The following GAL3ST2 variants were observed in gnomAD, a reference collection of about 807,000 sequenced individuals.
GAL3ST2 encodes galactose-3-O-sulfotransferase 2, also known as beta-galactose-3-O-sulfotransferase 2.
A neutral mutation model predicts 12.9 loss-of-function variants in GAL3ST2; 16 were observed. That is an observed-to-expected ratio of 1.24 (90% CI 0.84 to 1.88). GAL3ST2 has a LOEUF of 1.88. GAL3ST2 is among the 40% of genes most tolerant of loss of function. GAL3ST2 has a pLI of 0.00. For synonymous variants in GAL3ST2, 302 were observed against 273.9 expected (o/e 1.10, Z -1.01); for missense variants, 639 against 571.8 (o/e 1.12, Z -1.20).
chr2:241,778,490 C>T (rs140152203), intron 1 of GAL3ST2, among the ~76,000 whole-genome samples: 10 of 152,352 alleles, frequency 6.6e-5, no homozygotes, highest in African/African-American at 2.4e-4. Context: ...AGCTATGGCA[C>T]TTGGGGGTGT....
rs201963538 is a variant in GAL3ST2 at position 241,776,923 on chromosome 2, C to A, written c.-33C>A. 126 of 1,511,160 alleles carry A rather than the reference C, an allele frequency of 8.3e-5. No homozygotes were observed. The highest frequency in any genetic ancestry group is 1.1e-4 in the Non-Finnish European group (118 of 1,122,928). 93.6% of individuals were successfully genotyped at this position (1,511,160 alleles called of 1,614,324 possible). On this transcript the variant is annotated 5_prime_UTR_variant, in exon 1 of 4. Transcript: ENST00000192314. ...TGGGACCTCGGGGGAGCTCAAGCCTCGACTGTCCCCTCGCTGGAGGCCAGA... is the reference window on the plus strand; with the variant it reads ...TGGGACCTCGGGGGAGCTCAAGCCTAGACTGTCCCCTCGCTGGAGGCCAGA...
chr2:241,799,040 C>T lies in GAL3ST2; in HGVS notation c.30-25C>T, dbSNP rs1165682926. ...TGGGGCTGGCACGACCCGGACTGGG[C>T]ACTCATGGCCTGCCCTTTCCACAGA... On this transcript the variant is annotated intron_variant, in intron 1 of 3. Coordinates refer to ENST00000192314, the MANE Select transcript of GAL3ST2 (RefSeq NM_022134.3). The T allele has an allele frequency of 8.8e-6, 14 of 1,594,456 alleles. No homozygotes were observed. The South Asian group carries it at 1.5e-4, about 18-fold the overall frequency.
Position 241,804,231 on chromosome 2 carries a change from G to A in GAL3ST2, c.*65G>A. 7.6e-7 allele frequency: 1 copy of A among 1,322,428 alleles called. No homozygotes were observed. The highest frequency in any genetic ancestry group is 3.7e-5 in the Admixed American group (1 of 26,736). The allele number at this position is 1,322,428 out of a possible 1,614,324, so 81.9% of individuals were successfully genotyped here. A position where few individuals can be genotyped will look rare whatever the true frequency, so the allele number is the denominator to read the frequency against. On this transcript the variant is annotated 3_prime_UTR_variant, in exon 4 of 4. Coordinates refer to ENST00000192314, the MANE Select transcript of GAL3ST2 (RefSeq NM_022134.3). The stretch of plus-strand genomic sequence containing the variant: ...CTCCTCTCTCCGCCGTCACCGGGGA[G>A]GCCGGGGATCCTTGCAGGGCTTCTG...
Position 241,803,849 on chromosome 2 carries a change from C to T in GAL3ST2, c.880C>T (p.Leu294=). ...TTTCAACCGCACCCTCTGGGCGCAG[C>T]TGCGCGCCGAGCTGGGGCCGCGGCG... The part of the protein sequence containing the change: ...EHFNRTLWAQ[L]RAELGPRRLR... Residue 294 remains leucine (L), a synonymous_variant, in exon 4 of 4, where the codon CTG becomes TTG. Transcript: ENST00000192314. 6.8e-7 allele frequency: 1 copy of T among 1,461,268 alleles called. No homozygotes were observed. The highest frequency in any genetic ancestry group is 1.5e-5 in the African/African-American group (1 of 67,036). The allele number at this position is 1,461,268 out of a possible 1,614,324, so 90.5% of individuals were successfully genotyped here.
rs1178251286 is a variant in GAL3ST2 at position 241,803,571 on chromosome 2, C to G, written c.602C>G (p.Pro201Arg). 1.9e-6 allele frequency: 3 copies of G among 1,597,132 alleles called. No individual in the cohort carries two copies. The highest frequency in any genetic ancestry group is 2.6e-6 in the Non-Finnish European group (3 of 1,171,514). The change falls in exon 4 of 4, where the codon CCC (proline) becomes CGC (arginine). Residue 201 changes from proline (P) to arginine (R), a missense_variant. By Grantham distance (103) the Pro-to-Arg change is moderately radical (BLOSUM62 -2). Transcript: ENST00000192314. The stretch of plus-strand genomic sequence containing the variant: ...ATGTGGTTCGACTTCGGCTTCGACC[C>G]CAACGCGCAGTGCGAGGAGGGCTAC... ...NNMWFDFGFDPNAQCEEGYVR... is the reference protein window; with the variant it reads ...NNMWFDFGFDRNAQCEEGYVR...
chr2:241,804,043 G>A lies in GAL3ST2; in HGVS notation c.1074G>A (p.Leu358=). The A allele has an allele frequency of 6.4e-7, 1 of 1,562,802 alleles. No homozygotes were observed. The highest frequency in any genetic ancestry group is 8.7e-7 in the Non-Finnish European group (1 of 1,155,912). Residue 358 remains leucine, a synonymous_variant, in exon 4 of 4, where the codon CTG becomes CTA. Coordinates refer to ENST00000192314, the MANE Select transcript of GAL3ST2 (RefSeq NM_022134.3). The part of the protein sequence containing the change: ...DILGYNLRPG[L]DNQTLGVCQR... Reference sequence around the variant, plus strand: ...TGGGTTACAACCTCCGGCCGGGCCTGGACAACCAGACGCTGGGCGTGTGCC... The same window carrying A: ...TGGGTTACAACCTCCGGCCGGGCCTAGACAACCAGACGCTGGGCGTGTGCC...
intron 1 of GAL3ST2, among the ~76,000 whole-genome samples, chr2:241,782,406 A>G (rs1220996938): frequency 6.6e-6 from 1 of 151,888 alleles, no homozygotes; most frequent in African/African-American, 2.4e-5. Context: ...GCTCACTGCA[A>G]CCTCCACCTC....
At position 241,785,571 on chromosome 2, in the gene GAL3ST2, A is replaced by G. The variant is rs572828713; in HGVS notation, c.29+8587A>G. On this transcript the variant is annotated intron_variant, in intron 1 of 3. Transcript: ENST00000192314. ...CCGTCTCAAAAAAAAAAAAAAAAAA[A>G]GCTGAGACGAACTTGTCTGTTTACA... 5.4e-5 allele frequency among the ~76,000 whole-genome samples: 8 copies of G among 148,990 alleles called. No individual in the cohort carries two copies. In the South Asian group the frequency reaches 1.3e-3, roughly 24 times the overall value.
Position 241,803,881 on chromosome 2 carries a change from C to T in GAL3ST2, c.912C>T (p.Arg304=). ...CCGAGCTGGGGCCGCGGCGGCTGCG[C>T]GGGGAGGTGGAGCGGCTGCGCGCCC... ...LRAELGPRRL[R]GEVERLRARR... is the part of the protein sequence containing the mutation. Residue 304 remains arginine, a synonymous_variant, in exon 4 of 4, where the codon CGC becomes CGT. Transcript: ENST00000192314. 1 of 1,419,052 alleles carries T rather than the reference C, an allele frequency of 7.0e-7. No homozygotes were observed. The highest frequency in any genetic ancestry group is 3.0e-5 in the East Asian group (1 of 33,700). The allele number at this position is 1,419,052 out of a possible 1,614,324, so 87.9% of individuals were successfully genotyped here.
At chr2:241,799,782 T>C (rs1699819686) in intron 2 of GAL3ST2, among the ~76,000 whole-genome samples, 3 of 152,040 alleles carry the variant, frequency 2.0e-5, no homozygotes, top group South Asian at 4.1e-4. Context: ...GACCCTGTCT[T>C]TGCTCACCCC....
chr2:241,779,124 A>G (rs1323976357), intron 1 of GAL3ST2, among the ~76,000 whole-genome samples: 1 of 151,518 alleles, frequency 6.6e-6, no homozygotes, highest in Non-Finnish European at 1.5e-5. Context: ...TTAGAAGAAA[A>G]TGAGTCTCTG....
chr2:241,780,099 G>A (rs1699548010), intron 1 of GAL3ST2, among the ~76,000 whole-genome samples: 1 of 152,136 alleles, frequency 6.6e-6, no homozygotes, highest in Non-Finnish European at 1.5e-5. Context: ...AGAAAAAAAT[G>A]CAAACATTAT....
At chr2:241,781,482 A>C (rs1196462641) in intron 1 of GAL3ST2, among the ~76,000 whole-genome samples, 1 of 152,174 alleles carries the variant, frequency 6.6e-6, no homozygotes, top group Non-Finnish European at 1.5e-5. Flanking sequence ...ACAAGACAAC[A>C]ATTGCCTGTG....
chr2:241,787,917 G>A (rs1699647446), intron 1 of GAL3ST2, among the ~76,000 whole-genome samples: 1 of 152,036 alleles, frequency 6.6e-6, no homozygotes, highest in Non-Finnish European at 1.5e-5. Flanking sequence ...TCCAAATTGT[G>A]GGTAACAAGG....
rs747351744 is a variant in GAL3ST2 at position 241,804,127 on chromosome 2, G to A, written c.1158G>A (p.Pro386=). 6.7e-7 allele frequency: 1 copy of A among 1,492,742 alleles called. No homozygotes were observed. The allele number at this position is 1,492,742 out of a possible 1,614,324, so 92.5% of individuals were successfully genotyped here. A position where few individuals can be genotyped will look rare whatever the true frequency, so the allele number is the denominator to read the frequency against. The change falls in exon 4 of 4, where the codon CCG becomes CCA. Residue 386 remains proline, a synonymous_variant. Coordinates refer to ENST00000192314, the MANE Select transcript of GAL3ST2 (RefSeq NM_022134.3). ...CCCGCCTGTACGCCCTGCAGTTCCC[G>A]GAGAAGCCCCTCAAGAACATCCCGT... ...YMARLYALQF[P]EKPLKNIPFL...
Position 241,795,276 on chromosome 2 carries a change from GA to G in GAL3ST2, c.30-3788del, listed in dbSNP as rs1464281252. Among the ~76,000 whole-genome samples the G allele has an allele frequency of 2.0e-5, 3 of 152,206 alleles. No homozygotes were observed. The highest frequency in any genetic ancestry group is 4.4e-5 in the Non-Finnish European group (3 of 68,036). ...CAGCAGGTCTTTTGGCAAAAGGGAA[GA>G]GCCCGCCTTGAGAAGGCTGTAGCAT... On this transcript the variant is annotated intron_variant, in intron 1 of 3. Transcript: ENST00000192314. This position sits in a 1 kb window ranked among gnomAD's most constrained non-coding sequence, Gnocchi z 4.5.
chr2:241,777,631 G>A (rs537437643), intron 1 of GAL3ST2, among the ~76,000 whole-genome samples: 6 of 152,198 alleles, frequency 3.9e-5, no homozygotes, highest in Admixed American at 2.0e-4. Flanking sequence ...CTGCCTCCCC[G>A]GGGCGTGTGC....
Position 241,801,742 on chromosome 2 carries a change from T to G in GAL3ST2, c.120-39T>G, listed in dbSNP as rs749339168. On this transcript the variant is annotated intron_variant, in intron 2 of 3. Coordinates refer to ENST00000192314, the MANE Select transcript of GAL3ST2 (RefSeq NM_022134.3). This position sits in a 1 kb window ranked among gnomAD's most constrained non-coding sequence, Gnocchi z 4.4. ...GCTGTTGGGCGGGGGTTGGGGCATC[T>G]GCACCCTTGCTGAAGGCTGCGTGTG... 7 of 1,596,586 alleles carry G rather than the reference T, an allele frequency of 4.4e-6. No homozygotes were observed. The South Asian group carries it at 7.8e-5, about 18-fold the overall frequency.
chr2:241,779,121 A>G (rs1022422864), intron 1 of GAL3ST2, among the ~76,000 whole-genome samples: 4 of 151,752 alleles, frequency 2.6e-5, no homozygotes, highest in African/African-American at 9.7e-5. Context: ...ATTTTAGAAG[A>G]AAATGAGTCT....
Sources: allele counts gnomAD v4.1 joint callset (sites outside exome capture counted in the v4.1 genomes callset), GRCh38; gene constraint gnomAD v4.1.1; non-coding constraint Gnocchi (gnomAD v3.1); transcripts MANE v1.5; gene names NCBI Gene and HGNC (gene_info 2026-07-23, HGNC 2026-07-21).